TEX14: variants seen among roughly 807,000 people sequenced by gnomAD.
TEX14 encodes testis expressed 14, intercellular bridge forming factor, also known as inactive serine/threonine-protein kinase TEX14.
A neutral mutation model predicts 178.6 loss-of-function variants in TEX14; 168 were observed. The ratio of observed to expected loss-of-function variants is 0.94; its 90% confidence interval spans 0.83 to 1.07. TEX14 has a LOEUF of 1.07. TEX14 is among the 50% of genes least tolerant of loss of function. The pLI, the probability that TEX14 is intolerant of heterozygous loss-of-function variation, is 0.00. For missense variants in TEX14, 1,730 were observed against 1,753.6 expected, an observed-to-expected ratio of 0.99 and a Z score of 0.24; for synonymous variants, 626 against 634.1, an observed-to-expected ratio of 0.99 and a Z score of 0.19.
Position 58,556,938 on chromosome 17 carries a change from G to T in TEX14, c.*73C>A. 1 of 1,248,680 alleles carries T rather than the reference G, an allele frequency of 8.0e-7. No individual in the cohort carries two copies. Among genetic ancestry groups the T allele is most frequent in the Non-Finnish European group, 1.2e-6 (1 of 848,388 alleles). The allele number at this position is 1,248,680 out of a possible 1,614,324, so 77.4% of individuals were successfully genotyped here. A position where few individuals can be genotyped will look rare whatever the true frequency, so the allele number is the denominator to read the frequency against. ...TGCTGCCCTGACAGCAACTGAAGCA[G>T]AAAGAGAAGAAAGGAGCTTACAACC... On this transcript the variant is annotated 3_prime_UTR_variant, in exon 32 of 32. Transcript: ENST00000349033.
intron 1 of TEX14, chr17:58,679,426 G>T (rs1482196685): frequency 7.0e-6 from 1 of 141,906 alleles, no homozygotes; most frequent in Non-Finnish European, 1.6e-5. Context: ...CCATTAGAAG[G>T]CATCAATCTC....
At chr17:58,612,981 C>G (rs1598386232) in intron 9 of TEX14, among the ~76,000 whole-genome samples, 1 of 151,992 alleles carries the variant, frequency 6.6e-6, no homozygotes, top group East Asian at 1.9e-4. Flanking sequence ...GTGGGTGGAT[C>G]ATCTGAGGTC....
chr17:58,631,604 A>T (rs903781969), intron 2 of TEX14: 3 of 148,544 alleles, frequency 2.0e-5, no homozygotes, highest in Non-Finnish European at 4.5e-5. Flanking sequence ...TGAGGAAACC[A>T]ACTACTATTA....
chr17:58,619,796 CA>C (rs71367606), intron 5 of TEX14, among the ~76,000 whole-genome samples: 20,709 of 73,764 alleles, frequency 0.28, 1,279 homozygotes, highest in Non-Finnish European at 0.3. Flanking sequence ...GACTCAGTCT[CA>C]AAAAAAAAAA....
At chr17:58,616,335 G>C (rs903251446) in intron 6 of TEX14, 30 bp from the exon 7 acceptor site, 1 of 1,602,698 alleles carries the variant, frequency 6.2e-7, no homozygotes, top group African/African-American at 1.3e-5. Flanking sequence ...TCAAATTATG[G>C]GGAGAAGGGG....
At position 58,613,404 on chromosome 17, in the gene TEX14, C is replaced by A. The variant is rs181745220; in HGVS notation, c.1005+17G>T. On this transcript the variant is annotated intron_variant, in intron 9 of 31. Transcript: ENST00000349033. Reference sequence around the variant, plus strand: ...TGGGAGGTCAGCAATGGAAAATCCACGGAAACAGCAGTTTACTCGTTCATG... The same window carrying A: ...TGGGAGGTCAGCAATGGAAAATCCAAGGAAACAGCAGTTTACTCGTTCATG... The A allele has an allele frequency of 3.2e-5, 52 of 1,613,532 alleles. 1 individual carries two copies. In the South Asian group the frequency reaches 5.1e-4, roughly 16 times the overall value.
Position 58,617,645 on chromosome 17 carries a change from A to C in TEX14, c.555-26T>G, listed in dbSNP as rs534050652. The stretch of plus-strand genomic sequence containing the variant: ...CTAGAAATATTTAAAACAGGAAAAA[A>C]ACCTCAGAATTAACCACTCATATCC... On this transcript the variant is annotated intron_variant, in intron 5 of 31. Coordinates refer to ENST00000349033, the MANE Select transcript of TEX14 (RefSeq NM_031272.5). 13 of 1,565,544 alleles carry C rather than the reference A, an allele frequency of 8.3e-6. No individual in the cohort carries two copies. In the African/African-American group the frequency reaches 1.2e-4, roughly 15 times the overall value.
chr17:58,663,422 C>CAA (rs764235419), intron 1 of TEX14, among the ~76,000 whole-genome samples: 647 of 57,806 alleles, frequency 0.011, 4 homozygotes, highest in African/African-American at 0.016. Flanking sequence ...AACTCCGTCT[C>CAA]AAAAAAAAAA....
At chr17:58,668,180 A>G (rs1436179217) in intron 1 of TEX14, among the ~76,000 whole-genome samples, 4 of 152,100 alleles carry the variant, frequency 2.6e-5, no homozygotes, top group Non-Finnish European at 1.5e-5. Flanking sequence ...TCCTCTTGGT[A>G]ATTTTCTAAC....
At position 58,587,894 on chromosome 17, in the gene TEX14, A is replaced by T; in HGVS notation, c.2702+2T>A. The T allele has an allele frequency of 6.2e-7, 1 of 1,609,602 alleles. No homozygotes were observed. Among genetic ancestry groups the T allele is most frequent in the Non-Finnish European group, 8.5e-7 (1 of 1,177,322 alleles). Reference sequence around the variant, plus strand: ...CAGTTTCCAGCCCACAAGGATCCTTACCTGGTAGAGTCCCAGTGACAGCTG... The same window carrying T: ...CAGTTTCCAGCCCACAAGGATCCTTTCCTGGTAGAGTCCCAGTGACAGCTG... On this transcript the variant is annotated splice_donor_variant, in intron 16 of 31. Coordinates refer to ENST00000349033, the MANE Select transcript of TEX14 (RefSeq NM_031272.5). LOFTEE classifies it high-confidence loss of function.
chr17:58,619,472 G>T (rs1371949120), intron 5 of TEX14, among the ~76,000 whole-genome samples: 8 of 152,132 alleles, frequency 5.3e-5, no homozygotes, highest in Non-Finnish European at 1.2e-4. Context: ...ACAAATCTTA[G>T]AGGCTAACTC....
intron 1 of TEX14, chr17:58,661,473 T>C: frequency 1.3e-6 from 1 of 781,984 alleles, no homozygotes; most frequent in East Asian, 2.4e-5. Flanking sequence ...TTGAACACCT[T>C]TTCCTGGACT....
chr17:58,654,216 T>G (rs949925755), intron 1 of TEX14, among the ~76,000 whole-genome samples: 4 of 152,104 alleles, frequency 2.6e-5, no homozygotes, highest in African/African-American at 9.7e-5. Context: ...AACTGGTGCC[T>G]GAGTACTACA....
intron 2 of TEX14, among the ~76,000 whole-genome samples, chr17:58,636,024 C>T (rs1283929468): frequency 6.6e-6 from 1 of 152,098 alleles, no homozygotes; most frequent in African/African-American, 2.4e-5. Context: ...GGATTACAGG[C>T]GTGAGCCACC....
At chr17:58,603,710 C>T (rs1009646159) in intron 11 of TEX14, among the ~76,000 whole-genome samples, 11 of 151,166 alleles carry the variant, frequency 7.3e-5, no homozygotes, top group African/African-American at 2.4e-4. Context: ...AAAAATTAGC[C>T]GGGCATGGTG....
At chr17:58,636,771 G>A (rs1036296630) in intron 2 of TEX14, among the ~76,000 whole-genome samples, 12 of 152,040 alleles carry the variant, frequency 7.9e-5, no homozygotes, top group Admixed American at 7.9e-4. Context: ...AAATTAGCGG[G>A]GCATGGTGGC....
chr17:58,620,649 A>C (rs2045977169), intron 5 of TEX14, among the ~76,000 whole-genome samples: 1 of 152,058 alleles, frequency 6.6e-6, no homozygotes, highest in African/African-American at 2.4e-5. Context: ...GCATGCCACC[A>C]CACCCGGCTA....
intron 3 of TEX14, among the ~76,000 whole-genome samples, chr17:58,629,629 C>A (rs1231861819): frequency 2.0e-5 from 3 of 151,674 alleles, no homozygotes; most frequent in African/African-American, 7.3e-5. Flanking sequence ...TTGAGACCAT[C>A]CTGAGACCAA....
intron 18 of TEX14, among the ~76,000 whole-genome samples, 184 bp downstream of exon 18, chr17:58,585,610 GTTTTTTT>G (rs879707841): frequency 1.2e-5 from 1 of 83,056 alleles, no homozygotes; most frequent in Admixed American, 1.3e-4. Context: ...CCCAGCTAAT[GTTTTTTT>G]TTTTTTTTTT....
Sources: allele counts gnomAD v4.1 joint callset (sites outside exome capture counted in the v4.1 genomes callset), GRCh38; gene constraint gnomAD v4.1.1; transcripts MANE v1.5; gene names NCBI Gene and HGNC (gene_info 2026-07-23, HGNC 2026-07-21).